Variants in TBL1XR1 observed in about 807,000 individuals in gnomAD.
TBL1XR1 encodes F-box-like/WD repeat-containing protein TBL1XR1.
TBL1XR1 carries 5 observed loss-of-function variants against 66.9 expected under a neutral mutation model. That is an observed-to-expected ratio of 0.07 (90% CI 0.04 to 0.16). The LOEUF (loss-of-function observed/expected upper bound fraction) is 0.16. Ranked by LOEUF, TBL1XR1 falls within the 10% of genes least tolerant of loss-of-function variation. The pLI is 1.00. For missense variants in TBL1XR1, 238 were observed against 623.2 expected, an observed-to-expected ratio of 0.38 and a Z score of 6.58; for synonymous variants, 210 against 206.0, an observed-to-expected ratio of 1.02 and a Z score of -0.17.
intron 1 of TBL1XR1, among the ~76,000 whole-genome samples, chr3:177,128,958 T>C (rs1727970388): frequency 6.6e-6 from 1 of 152,134 alleles, no homozygotes; most frequent in Non-Finnish European, 1.5e-5. Context: ...CGCAACACTC[T>C]CCCCATCAGC....
intron 6 of TBL1XR1, 77 bp from the exon 7 acceptor site, chr3:177,050,215 A>C (rs1716868371): frequency 6.7e-7 from 1 of 1,502,424 alleles, no homozygotes; most frequent in African/African-American, 1.4e-5. Flanking sequence ...TTTACATCTG[A>C]ATATTAATAA....
At chr3:177,061,345 A>C (rs1318214977) in intron 3 of TBL1XR1, among the ~76,000 whole-genome samples, 1 of 152,202 alleles carries the variant, frequency 6.6e-6, no homozygotes, top group Non-Finnish European at 1.5e-5. Context: ...TTTAAGCCTA[A>C]AACAATTTAA....
intron 2 of TBL1XR1, among the ~76,000 whole-genome samples, chr3:177,070,217 C>A (rs1719789335): frequency 6.6e-6 from 1 of 152,106 alleles, no homozygotes; most frequent in Admixed American, 6.6e-5. Context: ...TCTTTTTATA[C>A]CCAAAAGACC....
intron 1 of TBL1XR1, among the ~76,000 whole-genome samples, chr3:177,190,693 G>C (rs999268282): frequency 6.6e-6 from 1 of 152,086 alleles, no homozygotes; most frequent in African/African-American, 2.4e-5. Flanking sequence ...AAATTTAAAT[G>C]AACAGTTAAA....
intron 2 of TBL1XR1, among the ~76,000 whole-genome samples, chr3:177,095,209 G>T (rs941968052): frequency 6.6e-6 from 1 of 152,014 alleles, no homozygotes; most frequent in African/African-American, 2.4e-5. Context: ...GACGGGCTAG[G>T]GGGAGAGGGG....
In TBL1XR1 at chr3:177,021,393, CTAGT is replaced by C. The variant is rs1432562194; in HGVS notation, c.*4101_*4104del. The C allele has an allele frequency of 6.6e-6, 1 of 152,050 alleles. No homozygotes were observed. Among genetic ancestry groups the C allele is most frequent in the African/African-American group, 2.4e-5 (1 of 41,272 alleles). 9.4% of individuals were successfully genotyped at this position (152,050 alleles called of 1,614,324 possible). On this transcript the variant is annotated 3_prime_UTR_variant, in exon 16 of 16. Coordinates refer to ENST00000457928, the MANE Select transcript of TBL1XR1 (RefSeq NM_024665.7). Reference sequence around the variant, plus strand: ...TACAAAAAAAAAAAAAATATATGCCCTAGTTATTCACCCTGCTTCAACACTGTCA... The same window carrying C: ...TACAAAAAAAAAAAAAATATATGCCCTATTCACCCTGCTTCAACACTGTCA...
intron 1 of TBL1XR1, chr3:177,195,587 AATT>A (rs1203652243): frequency 6.6e-6 from 1 of 152,024 alleles, no homozygotes; most frequent in Non-Finnish European, 1.5e-5. Context: ...GTGTAATCGA[AATT>A]ATTTATTCCA....
At chr3:177,083,886 G>C (rs568641060) in intron 2 of TBL1XR1, among the ~76,000 whole-genome samples, 1 of 151,788 alleles carries the variant, frequency 6.6e-6, no homozygotes, top group Non-Finnish European at 1.5e-5. Flanking sequence ...TCAGGAGTTC[G>C]AGATCAGCCT....
intron 2 of TBL1XR1, among the ~76,000 whole-genome samples, chr3:177,087,588 A>T (rs1400445122): frequency 6.6e-6 from 1 of 152,226 alleles, no homozygotes; most frequent in East Asian, 1.9e-4. Flanking sequence ...TGGCTTAAGA[A>T]AAAGGACAGA....
intron 2 of TBL1XR1, among the ~76,000 whole-genome samples, chr3:177,085,273 C>A (rs1721979550): frequency 6.6e-6 from 1 of 152,192 alleles, no homozygotes; most frequent in Admixed American, 6.5e-5. Context: ...AGGTTCCATA[C>A]TAACTCCTGA....
chr3:177,055,004 A>C (rs561568796), intron 3 of TBL1XR1, among the ~76,000 whole-genome samples: 1 of 152,332 alleles, frequency 6.6e-6, no homozygotes, highest in Admixed American at 6.5e-5. Flanking sequence ...ATTAAGTAGT[A>C]ATTTCTATGA....
rs1717093648 is a variant in TBL1XR1 at position 177,051,581 on chromosome 3, G to A, written c.350C>T (p.Ala117Val). 2 of 1,613,428 alleles carry A rather than the reference G, an allele frequency of 1.2e-6. No individual in the cohort carries two copies. The highest frequency in any genetic ancestry group is 1.7e-6 in the Non-Finnish European group (2 of 1,179,706). Residue 117 changes from alanine to valine, a missense_variant, in exon 5 of 16, where the codon GCA becomes GTA. By Grantham distance (64) the Ala-to-Val change is moderately conservative. This residue lies in a region of TBL1XR1 where 80 missense variants were observed against 100.5 expected (regional missense o/e 0.80). Coordinates refer to ENST00000457928, the MANE Select transcript of TBL1XR1 (RefSeq NM_024665.7). ...TTTTGCAGATCCTTGTTGGCTGGCT[G>A]CAGCTGCGGCAGCTGCAGCAGCTGC... ...QAAAAAAAAA[A>V]ASQQGSAKNG...
chr3:177,093,211 C>T (rs13320611), intron 2 of TBL1XR1, among the ~76,000 whole-genome samples: 9,751 of 152,174 alleles, frequency 0.064, 355 homozygotes, highest in Middle Eastern at 0.095. Context: ...AACCCTTTTA[C>T]AGCTATTGTA....
chr3:177,055,775 T>G (rs1212259768), intron 3 of TBL1XR1, among the ~76,000 whole-genome samples: 2 of 152,022 alleles, frequency 1.3e-5, no homozygotes, highest in Non-Finnish European at 2.9e-5. Flanking sequence ...CTGAATAAAT[T>G]CACAGTAAAT....
intron 1 of TBL1XR1, chr3:177,164,143 A>G (rs1732546132): frequency 6.6e-6 from 1 of 152,200 alleles, no homozygotes; most frequent in Non-Finnish European, 1.5e-5. Flanking sequence ...CAACTAACAT[A>G]ACATTTCAAA....
At chr3:177,193,930 ACTAT>A (rs985420800) in intron 1 of TBL1XR1, 5 of 152,298 alleles carry the variant, frequency 3.3e-5, no homozygotes, top group African/African-American at 9.6e-5. Flanking sequence ...AAAGCCCAAC[ACTAT>A]CTACCTCATA....
intron 1 of TBL1XR1, among the ~76,000 whole-genome samples, chr3:177,148,896 C>A (rs950090769): frequency 4.0e-5 from 6 of 151,066 alleles, no homozygotes; most frequent in Non-Finnish European, 7.4e-5. Context: ...CCCAGCTACT[C>A]GGGAGGCTAA....
chr3:177,082,993 C>T (rs1270940814), intron 2 of TBL1XR1, among the ~76,000 whole-genome samples: 1 of 151,430 alleles, frequency 6.6e-6, no homozygotes, highest in African/African-American at 2.4e-5. Flanking sequence ...CTCCTGACCT[C>T]GTGATCCATC....
upstream of TBL1XR1, among the ~76,000 whole-genome samples, chr3:177,200,796 G>A (rs1214101228): frequency 6.6e-6 from 1 of 152,000 alleles, no homozygotes. Context: ...ACTTGAGGTC[G>A]GGAGTTCAAG....
Sources: allele counts gnomAD v4.1 joint callset (sites outside exome capture counted in the v4.1 genomes callset), GRCh38; gene constraint gnomAD v4.1.1; regional missense constraint gnomAD v4.1.1; transcripts MANE v1.5; gene names NCBI Gene and HGNC (gene_info 2026-07-23, HGNC 2026-07-21).